The following GPM6A variants were observed in gnomAD, a reference collection of about 807,000 sequenced individuals.
The protein encoded by GPM6A is neuronal membrane glycoprotein M6-a.
A neutral mutation model predicts 32.1 loss-of-function variants in GPM6A; 7 were observed. The observed-to-expected ratio is 0.22, with a 90% CI of 0.12 to 0.41. The LOEUF (loss-of-function observed/expected upper bound fraction) is 0.41. Among genes scored for constraint, GPM6A ranks in the 10% least tolerant of loss-of-function variants. GPM6A has a pLI of 1.00. For missense variants in GPM6A, 235 were observed against 347.2 expected, an observed-to-expected ratio of 0.68 and a Z score of 2.57; for synonymous variants, 130 against 123.4, an observed-to-expected ratio of 1.05 and a Z score of -0.35.
At chr4:175,652,090 A>G in intron 3 of GPM6A, 103 bp from the exon 4 acceptor site, 1 of 763,212 alleles carries the variant, frequency 1.3e-6, no homozygotes, top group Non-Finnish European at 2.1e-6. Flanking sequence ...TATGGGATAC[A>G]GTACATAAGT....
At chr4:175,694,733 G>C (rs1744480665) in intron 2 of GPM6A, among the ~76,000 whole-genome samples, 1 of 152,194 alleles carries the variant, frequency 6.6e-6, no homozygotes, top group African/African-American at 2.4e-5. Flanking sequence ...TTCAGTGGTG[G>C]AATTCAAGCA....
At chr4:175,862,932 A>G (rs1315838518) in intron 1 of GPM6A, among the ~76,000 whole-genome samples, 1 of 152,164 alleles carries the variant, frequency 6.6e-6, no homozygotes, top group East Asian at 1.9e-4. Context: ...TACCCGCACC[A>G]TGAATATCAG....
chr4:175,812,988 G>A (rs918298169), upstream of GPM6A: 27 of 985,072 alleles, frequency 2.7e-5, no homozygotes, highest in Middle Eastern at 5.2e-4. Flanking sequence ...AAATAGAAGC[G>A]TGGCTGTCAA....
Position 175,869,006 on chromosome 4 carries a change from A to T in GPM6A, c.-22-56757T>A, listed in dbSNP as rs186809740. Among the ~76,000 whole-genome samples the T allele has an allele frequency of 2.6e-5, 4 of 152,304 alleles. No individual in the cohort carries two copies. In the East Asian group the frequency reaches 7.7e-4, roughly 29 times the overall value. On this transcript the variant is annotated intron_variant, in intron 1 of 7. Transcript: ENST00000280187. ...GTACCTTTCAGTTTCACATGCTGTG[A>T]TTACATTTCAATAAATGCATAGTAT...
chr4:175,669,104 A>G (rs759220532), intron 3 of GPM6A, among the ~76,000 whole-genome samples: 2 of 152,332 alleles, frequency 1.3e-5, no homozygotes, highest in African/African-American at 4.8e-5. Flanking sequence ...GTGTCCTACA[A>G]TTAAGCATAG....
At chr4:175,819,879 G>A (rs1295929944) in intron 1 of GPM6A, among the ~76,000 whole-genome samples, 1 of 149,064 alleles carries the variant, frequency 6.7e-6, no homozygotes, top group African/African-American at 2.6e-5. Context: ...TGCTGTGAGA[G>A]ACACACAAAA....
At chr4:175,828,718 A>G (rs1229804992) in intron 1 of GPM6A, among the ~76,000 whole-genome samples, 1 of 152,174 alleles carries the variant, frequency 6.6e-6, no homozygotes, top group Non-Finnish European at 1.5e-5. Context: ...TAACAAAGGC[A>G]GTAATTATAA....
intron 1 of GPM6A, among the ~76,000 whole-genome samples, chr4:175,724,841 T>C (rs1020176798): frequency 1.3e-5 from 2 of 152,008 alleles, no homozygotes; most frequent in East Asian, 3.9e-4. Context: ...GTGCATGATG[T>C]TGTCCCTCAT....
At chr4:175,825,229 T>C (rs909196516) in intron 1 of GPM6A, among the ~76,000 whole-genome samples, 1 of 152,222 alleles carries the variant, frequency 6.6e-6, no homozygotes, top group African/African-American at 2.4e-5. Flanking sequence ...CAGATAATTG[T>C]ACTAGGTTAC....
rs70962429 is a variant in GPM6A, at chr4:175,900,304, G to GAAGGAAAGGAAAGGAAAGGAAAGGA, written c.-22-88080_-22-88056dup. Among the ~76,000 whole-genome samples, 4 of 128,104 alleles carry GAAGGAAAGGAAAGGAAAGGAAAGGA rather than the reference G, an allele frequency of 3.1e-5. 1 individual carries two copies. Among genetic ancestry groups the GAAGGAAAGGAAAGGAAAGGAAAGGA allele is most frequent in the African/African-American group, 1.2e-4 (4 of 33,034 alleles). The allele number at this position is 128,104 out of a possible 152,430, so 84.0% of individuals were successfully genotyped here. ...AAAAAAAAGAGAGAAGAAAAGAAAA[G>GAAGGAAAGGAAAGGAAAGGAAAGGA]AAGGAAAGGAAAGGAAAGGAAAGGA... On this transcript the variant is annotated intron_variant, in intron 1 of 7. Coordinates refer to the GPM6A transcript ENST00000280187.
intron 1 of GPM6A, among the ~76,000 whole-genome samples, chr4:175,907,553 A>G (rs1284395042): frequency 6.6e-6 from 1 of 152,128 alleles, no homozygotes; most frequent in East Asian, 1.9e-4. Flanking sequence ...ACCCCCAAAT[A>G]TGACACCTTG....
intron 3 of GPM6A, among the ~76,000 whole-genome samples, chr4:175,659,673 CAG>C (rs1742290405): frequency 6.6e-6 from 1 of 152,080 alleles, no homozygotes; most frequent in Non-Finnish European, 1.5e-5. Context: ...TCATATTATC[CAG>C]AGTTATTTTA....
intron 1 of GPM6A, among the ~76,000 whole-genome samples, chr4:175,843,600 A>G (rs2111389653): frequency 1.3e-5 from 2 of 152,334 alleles, no homozygotes; most frequent in African/African-American, 4.8e-5. Flanking sequence ...CTTCATAGGC[A>G]GGCAACCTGT....
rs550919486 is a variant in GPM6A, at chr4:175,966,240, A to G, written c.-23+36069T>C. On this transcript the variant is annotated intron_variant, in intron 1 of 7. Coordinates refer to the GPM6A transcript ENST00000280187. ...AATATGGTGAAGTTCTGTCTCTACT[A>G]AAAATACAAAAATTAGCCAGGCATG... Among the ~76,000 whole-genome samples the G allele has an allele frequency of 4.6e-5, 7 of 151,940 alleles. No individual in the cohort carries two copies. In the South Asian group the frequency reaches 1.5e-3, roughly 32 times the overall value.
At chr4:175,691,877 T>C (rs1744319817) in intron 2 of GPM6A, among the ~76,000 whole-genome samples, 2 of 152,060 alleles carry the variant, frequency 1.3e-5, no homozygotes, top group African/African-American at 4.8e-5. Flanking sequence ...AGAGACAGGG[T>C]CAAGTTCAGA....
rs546583331 is a variant in GPM6A at position 175,730,885 on chromosome 4, G to C, written c.38-29118C>G. On this transcript the variant is annotated intron_variant, in intron 1 of 6. Transcript: ENST00000393658. ...CACTAATGACCCCTCCATTTTTCTT[G>C]ACACTGCTTTAACTTGGGTCAAAAG... Among the ~76,000 whole-genome samples, 5 of 152,072 alleles carry C rather than the reference G, an allele frequency of 3.3e-5. No homozygotes were observed. The South Asian group carries it at 1.0e-3, about 32-fold the overall frequency.
intron 1 of GPM6A, among the ~76,000 whole-genome samples, chr4:175,719,559 C>A (rs1304373994): frequency 1.3e-5 from 2 of 152,008 alleles, no homozygotes; most frequent in Non-Finnish European, 2.9e-5. Flanking sequence ...CGTTTTGTAT[C>A]ATAAACATTA....
intron 1 of GPM6A, among the ~76,000 whole-genome samples, chr4:175,750,270 C>T (rs927536005): frequency 2.6e-5 from 4 of 152,022 alleles, no homozygotes; most frequent in East Asian, 3.9e-4. Context: ...GCTGGCCAGG[C>T]TAGTCTGGAA....
chr4:175,726,370 T>C (rs1200307828), intron 1 of GPM6A, among the ~76,000 whole-genome samples: 2 of 152,200 alleles, frequency 1.3e-5, no homozygotes, highest in African/African-American at 2.4e-5. Flanking sequence ...TAAAAAATTC[T>C]TCTGAAAGTC....
Sources: allele counts gnomAD v4.1 joint callset (sites outside exome capture counted in the v4.1 genomes callset), GRCh38; gene constraint gnomAD v4.1.1; transcripts MANE v1.5; gene names NCBI Gene and HGNC (gene_info 2026-07-23, HGNC 2026-07-21).